ENKUR: variants seen among roughly 807,000 people sequenced by gnomAD.
The protein encoded by ENKUR is enkurin, TRPC channel interacting protein, also known as enkurin.
Under a neutral mutation model 27.6 loss-of-function variants are expected in ENKUR, and 19 were observed. That is an observed-to-expected ratio of 0.69 (90% CI 0.48 to 1.01). The LOEUF (loss-of-function observed/expected upper bound fraction) is 1.01. Among genes scored for constraint, ENKUR ranks in the 50% least tolerant of loss-of-function variants. The pLI, the probability that ENKUR is intolerant of heterozygous loss-of-function variation, is 0.00. For missense variants in ENKUR, 312 were observed against 310.5 expected (o/e 1.00, Z -0.04); for synonymous variants, 117 against 96.9 (o/e 1.21, Z -1.22).
rs1474085776 is a variant in ENKUR at position 24,984,290 on chromosome 10, C to G, written c.*80G>C. On this transcript the variant is annotated 3_prime_UTR_variant, in exon 6 of 6. Coordinates refer to ENST00000331161, the MANE Select transcript of ENKUR (RefSeq NM_145010.4). ...GAGCTCAGAAACAATGTGTTGGAGACAGTTTAGAGTAGCAAGAAGGCACGT... is the reference window on the plus strand; with the variant it reads ...GAGCTCAGAAACAATGTGTTGGAGAGAGTTTAGAGTAGCAAGAAGGCACGT... 1.0e-4 allele frequency: 149 copies of G among 1,453,210 alleles called. No homozygotes were observed. Among genetic ancestry groups the G allele is most frequent in the Non-Finnish European group, 2.8e-6 (3 of 1,067,584 alleles). 90.0% of individuals were successfully genotyped at this position (1,453,210 alleles called of 1,614,324 possible).
intron 2 of ENKUR, among the ~76,000 whole-genome samples, chr10:25,032,268 G>A (rs1850943036): frequency 6.7e-6 from 1 of 148,248 alleles, no homozygotes; most frequent in South Asian, 2.1e-4. Context: ...GCCTCTTTAG[G>A]CTTCCTGGAA....
At chr10:24,996,456 G>GTGTGTATATATATA (rs757314440) in intron 2 of ENKUR, among the ~76,000 whole-genome samples, 16 of 149,710 alleles carry the variant, frequency 1.1e-4, no homozygotes, top group African/African-American at 3.2e-4. Context: ...GTGTGTGTGT[G>GTGTGTATATATATA]TATATATATA....
At chr10:25,046,313 T>A (rs1277199077) in intron 2 of ENKUR, among the ~76,000 whole-genome samples, 1 of 152,324 alleles carries the variant, frequency 6.6e-6, no homozygotes, top group South Asian at 2.1e-4. Flanking sequence ...TTAAAAAAAG[T>A]TCACAACCAG....
At chr10:24,997,807 T>TTATATATATATATATATA (rs58973955) in intron 2 of ENKUR, among the ~76,000 whole-genome samples, 16 of 144,954 alleles carry the variant, frequency 1.1e-4, no homozygotes, top group African/African-American at 3.9e-4. Flanking sequence ...CACAAAGGAT[T>TTATATATATATATATATA]TATATATATA....
intron 1 of ENKUR, among the ~76,000 whole-genome samples, chr10:25,002,302 C>A (rs1481971294): frequency 6.6e-6 from 1 of 152,184 alleles, no homozygotes; most frequent in East Asian, 1.9e-4. Context: ...TTAGGGAACT[C>A]CTTGTTCATA....
intron 2 of ENKUR, among the ~76,000 whole-genome samples, chr10:25,027,600 G>T (rs928591302): frequency 6.6e-6 from 1 of 150,558 alleles, no homozygotes; most frequent in Non-Finnish European, 1.5e-5. Context: ...TAAAAGACAT[G>T]ATTTCTGGCT....
At position 25,025,283 on chromosome 10, in the gene ENKUR, C is replaced by T. The variant is rs767525989; in HGVS notation, c.38-29414G>A. On this transcript the variant is annotated intron_variant, in intron 2 of 5. Coordinates refer to the ENKUR transcript ENST00000615958. ...TTAAAGATTAAAGAAATCAATGAGA[C>T]TTCATCAAGTCAGCTCTATTTGCTG... 21 of 1,614,074 alleles carry T rather than the reference C, an allele frequency of 1.3e-5. No individual in the cohort carries two copies. The South Asian group carries it at 2.3e-4, about 18-fold the overall frequency.
chr10:24,992,290 T>C (rs1160947093), intron 3 of ENKUR, among the ~76,000 whole-genome samples: 5 of 151,964 alleles, frequency 3.3e-5, no homozygotes, highest in Admixed American at 6.6e-5. Context: ...TGAAGTAAAA[T>C]AAAGAAGGAT....
intron 1 of ENKUR, among the ~76,000 whole-genome samples, chr10:25,000,107 C>T (rs1361190998): frequency 6.6e-6 from 1 of 152,012 alleles, no homozygotes; most frequent in Non-Finnish European, 1.5e-5. Context: ...TTTGTTTAGA[C>T]ATGCTTAGTT....
intron 2 of ENKUR, among the ~76,000 whole-genome samples, chr10:25,052,539 G>A (rs577483512): frequency 6.6e-6 from 1 of 152,240 alleles, no homozygotes; most frequent in South Asian, 2.1e-4. Context: ...GGCCAAGGTG[G>A]GAGAATCGCT....
chr10:24,988,483 C>G (rs138774898), intron 4 of ENKUR, among the ~76,000 whole-genome samples: 2,490 of 143,760 alleles, frequency 0.017, 59 homozygotes, highest in African/African-American at 0.059. Context: ...ATATAAAATA[C>G]GTATAAATAG....
At chr10:25,049,783 C>CA (rs60646580) in intron 2 of ENKUR, among the ~76,000 whole-genome samples, 15,919 of 68,550 alleles carry the variant, frequency 0.23, 2,053 homozygotes, top group African/African-American at 0.32. Context: ...GACTCCGTCT[C>CA]AAAAAAAAAA....
intron 1 of ENKUR, among the ~76,000 whole-genome samples, chr10:25,010,483 G>A (rs1391225176): frequency 2.6e-5 from 4 of 151,586 alleles, no homozygotes; most frequent in African/African-American, 9.7e-5. Flanking sequence ...TAGGGTACAT[G>A]TGCACAATGT....
In ENKUR at chr10:25,025,295, A is replaced by G. The variant is rs548694034; in HGVS notation, c.38-29426T>C. Reference sequence around the variant, plus strand: ...GAAATCAATGAGACTTCATCAAGTCAGCTCTATTTGCTGGGTTCATACAAT... The same window carrying G: ...GAAATCAATGAGACTTCATCAAGTCGGCTCTATTTGCTGGGTTCATACAAT... On this transcript the variant is annotated intron_variant, in intron 2 of 5. Coordinates refer to the ENKUR transcript ENST00000615958. The G allele has an allele frequency of 4.3e-5, 70 of 1,614,228 alleles. 1 individual carries two copies. In the South Asian group the frequency reaches 5.6e-4, roughly 13 times the overall value.
At chr10:25,034,671 AT>A (rs1309513256) in intron 2 of ENKUR, among the ~76,000 whole-genome samples, 1 of 152,224 alleles carries the variant, frequency 6.6e-6, no homozygotes, top group Non-Finnish European at 1.5e-5. Context: ...TTACCAGAAA[AT>A]AACACCATTT....
rs189729866 is a variant in ENKUR at position 25,011,840 on chromosome 10, C to T, written c.77+4020G>A. On this transcript the variant is annotated intron_variant, in intron 1 of 5. Coordinates refer to ENST00000331161, the MANE Select transcript of ENKUR (RefSeq NM_145010.4). ...TTTTCTGAGGAGAAATTCAAGCCAG[C>T]TGCAGAAATTTGCATAAGGAGAAGC... 1.3e-4 allele frequency among the ~76,000 whole-genome samples: 20 copies of T among 152,322 alleles called. No homozygotes were observed. The East Asian group carries it at 3.9e-3, about 29-fold the overall frequency.
At chr10:25,041,618 T>C (rs906442630) in intron 2 of ENKUR, among the ~76,000 whole-genome samples, 4 of 152,234 alleles carry the variant, frequency 2.6e-5, no homozygotes, top group Non-Finnish European at 5.9e-5. Context: ...CTCTGTGTTC[T>C]TCACATTAGA....
chr10:25,015,954 T>A lies in ENKUR; in HGVS notation c.-18A>T. ...GGATCCATGGCCACCAAATGACTCC[T>A]TAAAAGCTACTCTCCACAACTTTTT... On this transcript the variant is annotated 5_prime_UTR_variant, in exon 1 of 6. It adds an upstream start codon to the 5' untranslated region. Coordinates refer to ENST00000331161, the MANE Select transcript of ENKUR (RefSeq NM_145010.4). The A allele has an allele frequency of 1.9e-6, 3 of 1,601,718 alleles. No individual in the cohort carries two copies. The highest frequency in any genetic ancestry group is 2.6e-6 in the Non-Finnish European group (3 of 1,173,814).
intron 2 of ENKUR, among the ~76,000 whole-genome samples, chr10:25,037,529 A>G (rs1851021400): frequency 6.6e-6 from 1 of 152,168 alleles, no homozygotes; most frequent in South Asian, 2.1e-4. Flanking sequence ...AAAATAAATG[A>G]TTTCCAAACC....
Sources: gnomAD v4.1 joint callset for allele counts (sites outside exome capture counted in the v4.1 genomes callset) on GRCh38, gnomAD v4.1.1 for gene constraint, MANE v1.5 for transcripts, NCBI Gene and HGNC (gene_info 2026-07-23, HGNC 2026-07-21) for gene names.